The following ZNF521 variants were observed in gnomAD, a reference collection of about 807,000 sequenced individuals.
The protein encoded by ZNF521 is LYST-interacting protein 3.
A neutral mutation model predicts 105.5 loss-of-function variants in ZNF521; 14 were observed. That is an observed-to-expected ratio of 0.13 (90% CI 0.09 to 0.21). The LOEUF (loss-of-function observed/expected upper bound fraction) is 0.21. ZNF521 is among the 10% of genes least tolerant of loss of function. The pLI, the probability that ZNF521 is intolerant of heterozygous loss-of-function variation, is 1.00. For synonymous variants in ZNF521, 635 were observed against 606.0 expected (o/e 1.05, Z -0.70); for missense variants, 1,233 against 1,629.7 (o/e 0.76, Z 4.19).
chr18:25,333,237 A>G (rs1913681323), intron 2 of ZNF521, among the ~76,000 whole-genome samples: 1 of 151,284 alleles, frequency 6.6e-6, no homozygotes, highest in Non-Finnish European at 1.5e-5. Flanking sequence ...ATAAACACCT[A>G]TATTTATTTG....
At chr18:25,132,558 T>C (rs1051710258) in intron 5 of ZNF521, among the ~76,000 whole-genome samples, 3 of 152,228 alleles carry the variant, frequency 2.0e-5, no homozygotes, top group African/African-American at 7.2e-5. Flanking sequence ...CTGGCACTGC[T>C]GGCTGTGCTT....
At chr18:25,221,661 T>A (rs371546339) in intron 4 of ZNF521, among the ~76,000 whole-genome samples, 6 of 152,232 alleles carry the variant, frequency 3.9e-5, no homozygotes, top group South Asian at 2.1e-4. Context: ...TATGTCACAT[T>A]TCTTTTTGTG....
chr18:25,188,509 A>T (rs957751531), intron 5 of ZNF521, among the ~76,000 whole-genome samples: 8 of 152,178 alleles, frequency 5.3e-5, no homozygotes, highest in Non-Finnish European at 1.2e-4. Context: ...GCAGGGATCT[A>T]TATCTTTTTA....
At chr18:25,264,400 C>T (rs527756159) in intron 3 of ZNF521, among the ~76,000 whole-genome samples, 24 of 152,284 alleles carry the variant, frequency 1.6e-4, no homozygotes, top group African/African-American at 5.8e-4. Context: ...ATTTCTTATA[C>T]AGCACTATTA....
chr18:25,085,995 T>C (rs1484134400), intron 7 of ZNF521, among the ~76,000 whole-genome samples: 5 of 152,088 alleles, frequency 3.3e-5, no homozygotes, highest in African/African-American at 1.2e-4. Context: ...AAATCTCTAA[T>C]AGGATTGCAG....
Position 25,226,084 on chromosome 18 carries a change from T to C in ZNF521, c.1834A>G (p.Ile612Val), listed in dbSNP as rs7244624. ...RALSPLSPVA[I>V]EQTSLKMMQA... ...ATCATCTTAAGAGATGTCTGCTCTATGGCCACAGGAGATAGGGGGCTTAAG... is the reference window on the plus strand; with the variant it reads ...ATCATCTTAAGAGATGTCTGCTCTACGGCCACAGGAGATAGGGGGCTTAAG... Residue 612 changes from isoleucine to valine, a missense_variant, in exon 4 of 8, where the codon ATA (isoleucine) becomes GTA (valine). This residue lies in a region of ZNF521 where 614 missense variants were observed against 751.5 expected (regional missense o/e 0.82). Transcript: ENST00000361524. The surrounding 1 kb of genome is among the most constrained non-coding windows in gnomAD (Gnocchi z 4.1). 3.7e-6 allele frequency: 6 copies of C among 1,614,094 alleles called. No homozygotes were observed. In the African/African-American group the frequency reaches 4.0e-5, roughly 11 times the overall value.
intron 5 of ZNF521, among the ~76,000 whole-genome samples, chr18:25,123,450 T>A (rs1439740510): frequency 6.6e-6 from 1 of 152,104 alleles, no homozygotes; most frequent in African/African-American, 2.4e-5. Context: ...GTTTTCCAAG[T>A]CAAAAACCTT....
intron 2 of ZNF521, among the ~76,000 whole-genome samples, chr18:25,347,726 T>C (rs1914524648): frequency 6.6e-6 from 1 of 152,252 alleles, no homozygotes. Flanking sequence ...AGAAATGTCC[T>C]GGTAATCTGT....
At chr18:25,183,946 A>T (rs377539618) in intron 5 of ZNF521, among the ~76,000 whole-genome samples, 3 of 152,348 alleles carry the variant, frequency 2.0e-5, no homozygotes, top group African/African-American at 7.2e-5. Flanking sequence ...AATAATATGT[A>T]AAAGCTAAAG....
At chr18:25,199,105 A>T (rs2035949642) in intron 4 of ZNF521, among the ~76,000 whole-genome samples, 1 of 151,934 alleles carries the variant, frequency 6.6e-6, no homozygotes, top group African/African-American at 2.4e-5. Context: ...TTTAGGCCTA[A>T]CAATCCAGTT....
At position 25,225,251 on chromosome 18, in the gene ZNF521, G is replaced by C. The variant is rs754333185; in HGVS notation, c.2667C>G (p.Asp889Glu). ...CCATAGTGTAGGCTGCCCCACAAAT[G>C]TCGCAGCCGTACATAGGCTCAGAGG... Reference protein sequence around the residue: ...VDTSEPMYGCDICGAAYTMET... With the variant: ...VDTSEPMYGCEICGAAYTMET... The change falls in exon 4 of 8, where the codon GAC becomes GAG. Residue 889 changes from aspartate to glutamate, a missense_variant. Asp to Glu is a conservative substitution (Grantham distance 45). Transcript: ENST00000361524. This position sits in a 1 kb window ranked among gnomAD's most constrained non-coding sequence, Gnocchi z 5.6. 2.5e-6 allele frequency: 4 copies of C among 1,614,104 alleles called. No homozygotes were observed. In the Admixed American group the frequency reaches 6.7e-5, roughly 27 times the overall value.
At chr18:25,325,200 G>T (rs567072088) in intron 2 of ZNF521, among the ~76,000 whole-genome samples, 6 of 151,912 alleles carry the variant, frequency 3.9e-5, no homozygotes, top group South Asian at 2.1e-4. Flanking sequence ...ACTCTTTTTT[G>T]CCCATTCAAA....
chr18:25,210,523 C>T (rs750088343), intron 4 of ZNF521, among the ~76,000 whole-genome samples: 2 of 152,194 alleles, frequency 1.3e-5, no homozygotes, highest in Non-Finnish European at 2.9e-5. Flanking sequence ...TCGCCTGCCA[C>T]TCAATCTCTT....
At position 25,225,223 on chromosome 18, in the gene ZNF521, T is replaced by C. The variant is rs757029784; in HGVS notation, c.2695A>G (p.Thr899Ala). 1.2e-6 allele frequency: 2 copies of C among 1,614,040 alleles called. No homozygotes were observed. The highest frequency in any genetic ancestry group is 1.3e-5 in the African/African-American group (1 of 74,918). The change falls in exon 4 of 8, where the codon ACT (threonine) becomes GCT (alanine). Residue 899 changes from threonine (T) to alanine (A), a missense_variant. Transcript: ENST00000361524. This position sits in a 1 kb window ranked among gnomAD's most constrained non-coding sequence, Gnocchi z 5.6. The part of the protein sequence containing the change: ...DICGAAYTME[T>A]LLQNHQLRDH... ...CGGAGCTGGTGATTCTGCAGCAAAG[T>C]TTCCATAGTGTAGGCTGCCCCACAA...
intron 3 of ZNF521, among the ~76,000 whole-genome samples, chr18:25,295,999 T>G (rs1028629953): frequency 3.3e-5 from 5 of 152,176 alleles, no homozygotes; most frequent in Non-Finnish European, 7.4e-5. Flanking sequence ...GCCCAAGAGA[T>G]TTTACTTTCA....
intron 5 of ZNF521, among the ~76,000 whole-genome samples, chr18:25,117,557 A>T (rs1454238118): frequency 6.6e-6 from 1 of 152,186 alleles, no homozygotes; most frequent in Non-Finnish European, 1.5e-5. Context: ...ATGAAAACAT[A>T]GGAAATCACA....
chr18:25,215,499 A>T (rs2036264254), intron 4 of ZNF521, among the ~76,000 whole-genome samples: 1 of 152,230 alleles, frequency 6.6e-6, no homozygotes, highest in Non-Finnish European at 1.5e-5. Context: ...ACAAAATCTC[A>T]GTCAAAAATG....
intron 3 of ZNF521, among the ~76,000 whole-genome samples, chr18:25,299,733 A>G (rs1382117414): frequency 6.6e-6 from 1 of 152,244 alleles, no homozygotes; most frequent in Non-Finnish European, 1.5e-5. Context: ...ACAAGGGAAC[A>G]AAAGACTACA....
At chr18:25,302,470 T>A (rs1264915444) in intron 3 of ZNF521, among the ~76,000 whole-genome samples, 4 of 152,192 alleles carry the variant, frequency 2.6e-5, no homozygotes, top group Non-Finnish European at 5.9e-5. Flanking sequence ...ATGGAGCATA[T>A]TTTGTGATAC....
Sources: allele counts gnomAD v4.1 joint callset (sites outside exome capture counted in the v4.1 genomes callset), GRCh38; gene constraint gnomAD v4.1.1; regional missense constraint gnomAD v4.1.1; non-coding constraint Gnocchi (gnomAD v3.1); transcripts MANE v1.5; gene names NCBI Gene and HGNC (gene_info 2026-07-23, HGNC 2026-07-21).